Variants in AOPEP observed in about 807,000 individuals in gnomAD.
AOPEP encodes aminopeptidase O (putative).
AOPEP carries 77 observed loss-of-function variants against 98.1 expected under a neutral mutation model. That is an observed-to-expected ratio of 0.78 (90% confidence interval 0.65 to 0.95). The LOEUF is 0.95. Among genes scored for constraint, AOPEP ranks in the 40% least tolerant of loss-of-function variants. The probability of loss-of-function intolerance (pLI) is 0.00; values close to 1 mark genes in which losing one functional copy is unlikely to be tolerated. For missense variants in AOPEP, 1,024 were observed against 1,024.7 expected (o/e 1.00, Z 0.01); for synonymous variants, 346 against 365.3 (o/e 0.95, Z 0.60).
intron 7 of AOPEP, among the ~76,000 whole-genome samples, chr9:94,944,193 G>C (rs957335441): frequency 5.9e-5 from 9 of 152,150 alleles, no homozygotes; most frequent in African/African-American, 2.2e-4. Context: ...CAGCCTGGTG[G>C]TTCCTCAAAA....
chr9:95,022,824 A>G (rs2063561938), intron 13 of AOPEP, among the ~76,000 whole-genome samples: 1 of 152,134 alleles, frequency 6.6e-6, no homozygotes, highest in Non-Finnish European at 1.5e-5. Context: ...GTGGATGGAA[A>G]CATTTCCCCC....
intron 4 of AOPEP, among the ~76,000 whole-genome samples, chr9:94,794,430 A>G (rs1325013313): frequency 6.6e-6 from 1 of 152,222 alleles, no homozygotes; most frequent in African/African-American, 2.4e-5. Flanking sequence ...CTCCTAATGC[A>G]GATTCCTTTT....
the AOPEP span, among the ~76,000 whole-genome samples, chr9:95,103,679 T>A: frequency 6.6e-6 from 1 of 152,044 alleles, no homozygotes; most frequent in East Asian, 1.9e-4. Flanking sequence ...ATGGATGGCG[T>A]TCTGGGGAAA....
chr9:94,993,812 A>G (rs1188096406), intron 11 of AOPEP, among the ~76,000 whole-genome samples: 1 of 152,140 alleles, frequency 6.6e-6, no homozygotes, highest in Non-Finnish European at 1.5e-5. Context: ...CACCAACTTT[A>G]TTGGCATGAA....
At chr9:95,016,532 C>T (rs1189762693) in intron 13 of AOPEP, among the ~76,000 whole-genome samples, 5 of 151,968 alleles carry the variant, frequency 3.3e-5, no homozygotes, top group African/African-American at 4.8e-5. Flanking sequence ...TGTGAGCCAC[C>T]GCGCCAGGCC....
At chr9:95,067,290 C>T (rs2068008283) in intron 14 of AOPEP, among the ~76,000 whole-genome samples, 1 of 152,126 alleles carries the variant, frequency 6.6e-6, no homozygotes, top group African/African-American at 2.4e-5. Context: ...GCCTGCTCTG[C>T]GTGTAATGGT....
chr9:94,913,430 A>T (rs1158796236), intron 5 of AOPEP, among the ~76,000 whole-genome samples: 1 of 152,212 alleles, frequency 6.6e-6, no homozygotes. Flanking sequence ...CCTGGGAAAT[A>T]AGAAGGATAT....
At chr9:95,078,751 G>A (rs75389936) in intron 14 of AOPEP, among the ~76,000 whole-genome samples, 1,921 of 152,358 alleles carry the variant, frequency 0.013, 42 homozygotes, top group African/African-American at 0.043. Flanking sequence ...CTCTGCTGGT[G>A]TGTGGACCTG....
At chr9:94,936,298 C>T (rs1403281296) in intron 7 of AOPEP, among the ~76,000 whole-genome samples, 1 of 152,126 alleles carries the variant, frequency 6.6e-6, no homozygotes, top group African/African-American at 2.4e-5. Context: ...CCTCTGTCCC[C>T]CATCTCATCT....
chr9:95,141,866 T>A, the AOPEP span, among the ~76,000 whole-genome samples: 3 of 152,168 alleles, frequency 2.0e-5, no homozygotes, highest in African/African-American at 7.2e-5. Flanking sequence ...CTGGTTTTAG[T>A]TCAGTGATTG....
intron 3 of AOPEP, among the ~76,000 whole-genome samples, chr9:94,785,197 A>G (rs180949718): frequency 2.6e-4 from 40 of 152,328 alleles, no homozygotes; most frequent in Non-Finnish European, 5.3e-4. Flanking sequence ...GGCCTCCCAA[A>G]GTGCTGGGAT....
At chr9:95,115,639 A>G in the AOPEP span, among the ~76,000 whole-genome samples, 1 of 152,234 alleles carries the variant, frequency 6.6e-6, no homozygotes, top group South Asian at 2.1e-4. Flanking sequence ...CAGCATCTGC[A>G]AAAGTTTTCA....
At chr9:95,074,866 AGCACCG>A (rs1420313253) in intron 14 of AOPEP, among the ~76,000 whole-genome samples, 4 of 152,222 alleles carry the variant, frequency 2.6e-5, no homozygotes, top group Non-Finnish European at 5.9e-5. Context: ...GCCCAGCGTC[AGCACCG>A]GCAGCGGCAG....
In AOPEP at chr9:95,033,185, A is replaced by G. The variant is rs560201984; in HGVS notation, c.2116-27509A>G. Among the ~76,000 whole-genome samples, 3 of 152,272 alleles carry G rather than the reference A, an allele frequency of 2.0e-5. No individual in the cohort carries two copies. In the East Asian group the frequency reaches 5.8e-4, roughly 29 times the overall value. ...GGAGTCTAGAGTTGGCCAAACAGAT[A>G]TAAGTCCGCTGTGTCCTCATTTCAC... On this transcript the variant is annotated intron_variant, in intron 13 of 16. Coordinates refer to ENST00000375315, the MANE Select transcript of AOPEP (RefSeq NM_001193329.3).
the AOPEP span, among the ~76,000 whole-genome samples, chr9:95,118,538 C>T: frequency 9.2e-5 from 14 of 152,322 alleles, no homozygotes; most frequent in South Asian, 2.1e-4. Flanking sequence ...ATTTCTATCA[C>T]GCCAAAAAGT....
chr9:95,101,256 C>T, the AOPEP span: 1 of 292,074 alleles, frequency 3.4e-6, no homozygotes, highest in East Asian at 4.9e-5. Flanking sequence ...TGGCTTTATC[C>T]CAGATCCCTG....
chr9:95,000,119 C>T (rs974721382), intron 11 of AOPEP, among the ~76,000 whole-genome samples: 1 of 151,882 alleles, frequency 6.6e-6, no homozygotes, highest in Admixed American at 6.5e-5. Flanking sequence ...GGCCAAAATC[C>T]TCCTAAAAAA....
At chr9:94,838,726 G>T (rs2041914849) in intron 5 of AOPEP, among the ~76,000 whole-genome samples, 1 of 152,034 alleles carries the variant, frequency 6.6e-6, no homozygotes, top group South Asian at 2.1e-4. Flanking sequence ...TCCAGATGAT[G>T]GTTCTTACTT....
At chr9:94,796,055 C>T (rs1846855947) in intron 4 of AOPEP, among the ~76,000 whole-genome samples, 1 of 152,174 alleles carries the variant, frequency 6.6e-6, no homozygotes, top group Non-Finnish European at 1.5e-5. Context: ...GTAGAGTCCA[C>T]CTGACACATG....
Sources: allele counts gnomAD v4.1 joint callset (sites outside exome capture counted in the v4.1 genomes callset), GRCh38; gene constraint gnomAD v4.1.1; transcripts MANE v1.5; gene names NCBI Gene and HGNC (gene_info 2026-07-23, HGNC 2026-07-21).